The following PRSS53 variants were observed in gnomAD, a reference collection of about 807,000 sequenced individuals.
PRSS53 encodes EDTP308.
PRSS53 carries 54 observed loss-of-function variants against 62.7 expected under a neutral mutation model. The ratio of observed to expected loss-of-function variants is 0.86; its 90% CI spans 0.69 to 1.08. The LOEUF is 1.08. PRSS53 is among the 50% of genes least tolerant of loss of function. The probability of loss-of-function intolerance (pLI) is 0.00; values close to 1 mark genes in which losing one functional copy is unlikely to be tolerated. For synonymous variants in PRSS53, 273 were observed against 300.0 expected (o/e 0.91, Z 0.93); for missense variants, 688 against 728.3 (o/e 0.94, Z 0.64).
rs537149387 is a variant in PRSS53 at position 31,086,310 on chromosome 16, C to A, written c.663+27G>T. 5 of 1,595,806 alleles carry A rather than the reference C, an allele frequency of 3.1e-6. No homozygotes were observed. The African/African-American group carries it at 6.7e-5, about 21-fold the overall frequency. Reference sequence around the variant, plus strand: ...AGCCCAGGGTTAGGCCCCTCCCCTTCTGCTCCTTCTCTTCTCCCTATCAGA... The same window carrying A: ...AGCCCAGGGTTAGGCCCCTCCCCTTATGCTCCTTCTCTTCTCCCTATCAGA... On this transcript the variant is annotated intron_variant, in intron 5 of 10. Coordinates refer to ENST00000280606, the Ensembl canonical transcript of PRSS53.
chr16:31,088,137 T>G, intron 1 of PRSS53: 1 of 1,339,108 alleles, frequency 7.5e-7, no homozygotes, highest in Non-Finnish European at 9.6e-7. Flanking sequence ...CGCCACTGAG[T>G]CAGCCAGGCG....
chr16:31,087,397 T>C, intron 3 of PRSS53, 140 bp downstream of exon 3: 1 of 653,276 alleles, frequency 1.5e-6, no homozygotes, highest in Non-Finnish European at 2.7e-6. Context: ...AACTTGACAA[T>C]ATGTACCCAG....
At chr16:31,087,743 G>A (rs1480605408) in intron 2 of PRSS53, 44 bp from the exon 3 acceptor site, 1 of 1,614,106 alleles carries the variant, frequency 6.2e-7, no homozygotes. Flanking sequence ...TACCTGTCCT[G>A]ACCTCACCCC....
At chr16:31,083,753 C>T (rs762639556) in exon 11 of PRSS53, 2 of 1,614,126 alleles carry the variant, frequency 1.2e-6, no homozygotes, top group East Asian at 4.5e-5. Flanking sequence ...ATTTGCCTGC[C>T]TGCATTCTCT....
chr16:31,083,676 C>T, exon 11 of PRSS53: 1 of 1,584,506 alleles, frequency 6.3e-7, no homozygotes, highest in Non-Finnish European at 8.6e-7. Flanking sequence ...AGCTGCTGGG[C>T]TTCTGGGCCT....
At chr16:31,084,458 A>AGG in intron 9 of PRSS53, 100 bp downstream of exon 9, 1 of 1,498,490 alleles carries the variant, frequency 6.7e-7, no homozygotes, top group Non-Finnish European at 9.0e-7. Context: ...TTCAGGTGGG[A>AGG]GGTGGGTCCA....
rs981913341 is a variant in PRSS53 at position 31,084,531 on chromosome 16, G to C, written c.1425+27C>G. On this transcript the variant is annotated intron_variant, in intron 9 of 10. Coordinates refer to ENST00000280606, the Ensembl canonical transcript of PRSS53. Reference sequence around the variant, plus strand: ...GTGAGGGGATGCCAGGGGCCTGTTAGGTAAGGTGTGGGGGCCTGGGGCTCA... The same window carrying C: ...GTGAGGGGATGCCAGGGGCCTGTTACGTAAGGTGTGGGGGCCTGGGGCTCA... 4.4e-6 allele frequency: 7 copies of C among 1,589,344 alleles called. No individual in the cohort carries two copies. In the Admixed American group the frequency reaches 8.7e-5, roughly 20 times the overall value.
At chr16:31,083,940 G>A (rs931951433) in intron 10 of PRSS53, 131 bp from the exon 11 acceptor site, 11 of 1,527,786 alleles carry the variant, frequency 7.2e-6, no homozygotes, top group South Asian at 2.5e-5. Context: ...GGCTCAAAGC[G>A]GTTGAGCAGC....
At chr16:31,087,973 A>C (rs988588897) in intron 1 of PRSS53, 147 bp from the exon 2 acceptor site, 1 of 1,534,706 alleles carries the variant, frequency 6.5e-7, no homozygotes, top group African/African-American at 1.4e-5. Flanking sequence ...GAAAATATTT[A>C]TATGAGGCCG....
Position 31,088,607 on chromosome 16 carries a change from CCA to C in PRSS53, c.58+143_58+144del, listed in dbSNP as rs1216515037. 2.7e-6 allele frequency: 4 copies of C among 1,484,530 alleles called. No individual in the cohort carries two copies. In the African/African-American group the frequency reaches 5.6e-5, roughly 21 times the overall value. 92.0% of individuals were successfully genotyped at this position (1,484,530 alleles called of 1,614,324 possible). A position where few individuals can be genotyped will look rare whatever the true frequency, so the allele number is the denominator to read the frequency against. ...GACACAGGTGGCCACATATACCACC[CCA>C]CAGAGTCCTACGGAGTTACATCCCC... On this transcript the variant is annotated intron_variant, in intron 1 of 10. Transcript: ENST00000280606.
At chr16:31,088,708 G>T in intron 1 of PRSS53, 44 bp downstream of exon 1, 1 of 1,611,256 alleles carries the variant, frequency 6.2e-7, no homozygotes. Flanking sequence ...TGGCCCCTGA[G>T]CCCCCACCAG....
chr16:31,086,997 C>T (rs1470072365), intron 3 of PRSS53, 99 bp from the exon 4 acceptor site: 2 of 1,308,212 alleles, frequency 1.5e-6, no homozygotes, highest in Admixed American at 2.8e-5. Context: ...AGAGAGCACT[C>T]CACGGCTTTT....
chr16:31,088,680 G>T (rs1295113303), intron 1 of PRSS53, 72 bp downstream of exon 1: 1 of 1,603,934 alleles, frequency 6.2e-7, no homozygotes, highest in African/African-American at 1.3e-5. Flanking sequence ...CAAGAAGCAG[G>T]GACTGCTGGG....
At chr16:31,083,896 C>G in intron 10 of PRSS53, 87 bp from the exon 11 acceptor site, 1 of 1,563,374 alleles carries the variant, frequency 6.4e-7, no homozygotes, top group Non-Finnish European at 8.7e-7. Context: ...GGAACAGGGT[C>G]TGTCTTGGCC....
chr16:31,085,771 C>T (rs2057225871), intron 6 of PRSS53, among the ~76,000 whole-genome samples, 193 bp downstream of exon 6: 1 of 152,208 alleles, frequency 6.6e-6, no homozygotes, highest in Non-Finnish European at 1.5e-5. Flanking sequence ...TTCCTCTTCT[C>T]ACCTAAACTC....
At chr16:31,083,974 A>G (rs1010329692) in intron 10 of PRSS53, 145 bp downstream of exon 10, 2 of 1,500,770 alleles carry the variant, frequency 1.3e-6, no homozygotes, top group Admixed American at 2.1e-5. Context: ...CACGATGACA[A>G]AGAACCAGAA....
At chr16:31,088,152 G>C (rs1379124817) in intron 1 of PRSS53, 1 of 1,316,574 alleles carries the variant, frequency 7.6e-7, no homozygotes, top group Admixed American at 3.2e-5. Context: ...CAGGCGGCCT[G>C]TGTGTGTAGA....
At position 31,084,916 on chromosome 16, in the gene PRSS53, G is replaced by T. The variant is rs568817652; in HGVS notation, c.1143C>A (p.Tyr381Ter). ...GGGCCAGCAGCAGGAGGGCCATGTCGTAGCCCCCCTCAGGGTGGGTGTAGG... is the reference window on the plus strand; with the variant it reads ...GGGCCAGCAGCAGGAGGGCCATGTCTTAGCCCCCCTCAGGGTGGGTGTAGG... Residue 381 changes from tyrosine (Y) to a stop codon, truncating the protein, a stop_gained, in exon 8 of 11, where the codon TAC (tyrosine) becomes TAA (stop). Coordinates refer to ENST00000280606, the Ensembl canonical transcript of PRSS53. LOFTEE classifies it high-confidence loss of function. The T allele has an allele frequency of 1.3e-6, 2 of 1,542,364 alleles. No individual in the cohort carries two copies. The highest frequency in any genetic ancestry group is 4.9e-5 in the East Asian group (2 of 41,184).
chr16:31,087,745 C>G, intron 2 of PRSS53, 46 bp from the exon 3 acceptor site: 2 of 1,614,140 alleles, frequency 1.2e-6, no homozygotes, highest in Non-Finnish European at 1.7e-6. Context: ...CCTGTCCTGA[C>G]CTCACCCCAG....
Sources: gnomAD v4.1 joint callset for allele counts (sites outside exome capture counted in the v4.1 genomes callset) on GRCh38, gnomAD v4.1.1 for gene constraint, MANE v1.5 for transcripts, NCBI Gene and HGNC (gene_info 2026-07-23, HGNC 2026-07-21) for gene names.